Variants in ZC4H2 observed in about 807,000 individuals in gnomAD.
The protein encoded by ZC4H2 is zinc finger C4H2-type containing, also known as zinc finger C4H2 domain-containing protein.
For synonymous variants in ZC4H2, 84 were observed against 66.3 expected (o/e 1.27, Z -1.30); for missense variants, 137 against 173.9 (o/e 0.79, Z 1.19).
chrX:65,026,174 A>G (rs1340416939), intron 1 of ZC4H2, among the ~76,000 whole-genome samples: 1 of 111,978 alleles, frequency 8.9e-6, no homozygotes, highest in African/African-American at 3.3e-5. Context: ...TCTGACCTAT[A>G]ATAGAAATAT....
intron 1 of ZC4H2, among the ~76,000 whole-genome samples, chrX:64,993,901 A>G (rs188871173): frequency 6.2e-4 from 70 of 112,270 alleles, no homozygotes; most frequent in African/African-American, 2.0e-3. Flanking sequence ...CGTTTTACAG[A>G]TGAGGAAACT....
chrX:64,941,005 C>T (rs1422012544), intron 1 of ZC4H2, among the ~76,000 whole-genome samples: 2 of 111,892 alleles, frequency 1.8e-5, no homozygotes, highest in African/African-American at 6.5e-5. Flanking sequence ...GTCATTTTCA[C>T]GATATTGATT....
intron 1 of ZC4H2, among the ~76,000 whole-genome samples, chrX:64,954,440 T>C (rs1484636682): frequency 1.1e-5 from 1 of 92,305 alleles, no homozygotes; most frequent in Admixed American, 1.2e-4. Flanking sequence ...ATTTCTAATA[T>C]GTTTGAGTGC....
intron 1 of ZC4H2, among the ~76,000 whole-genome samples, chrX:64,964,046 G>A (rs988675504): frequency 9.0e-6 from 1 of 110,534 alleles, no homozygotes; most frequent in Non-Finnish European, 1.9e-5. Flanking sequence ...AGGGGGAAAC[G>A]TAGAGCTGCT....
At chrX:65,026,696 G>C (rs1391665013) in intron 1 of ZC4H2, among the ~76,000 whole-genome samples, 1 of 105,978 alleles carries the variant, frequency 9.4e-6, no homozygotes, top group African/African-American at 3.4e-5. Context: ...GCAACAGAGC[G>C]AGACTCCGTC....
At chrX:64,953,878 T>C (rs1293447693) in intron 1 of ZC4H2, among the ~76,000 whole-genome samples, 3 of 111,416 alleles carry the variant, frequency 2.7e-5, no homozygotes, top group African/African-American at 6.5e-5. Flanking sequence ...CGTATGTTTA[T>C]TGTGGCACTG....
At chrX:64,941,121 G>A (rs1014247239) in intron 1 of ZC4H2, among the ~76,000 whole-genome samples, 1 of 111,624 alleles carries the variant, frequency 9.0e-6, no homozygotes, top group Non-Finnish European at 1.9e-5. Context: ...TCCTTTGTAA[G>A]TTGTATTCCT....
At chrX:64,939,521 G>A (rs780674330) in intron 1 of ZC4H2, among the ~76,000 whole-genome samples, 35 of 111,923 alleles carry the variant, frequency 3.1e-4, no homozygotes, top group Non-Finnish European at 6.0e-4. Flanking sequence ...GAGGTGTTAC[G>A]ATACCTGACT....
intron 1 of ZC4H2, among the ~76,000 whole-genome samples, chrX:64,952,232 T>C (rs924895171): frequency 7.3e-5 from 8 of 110,110 alleles, no homozygotes; most frequent in Non-Finnish European, 1.1e-4. Flanking sequence ...AGTCAGGTAG[T>C]GTGATGCCTC....
intron 1 of ZC4H2, among the ~76,000 whole-genome samples, chrX:64,954,474 T>G (rs1318821015): frequency 1.0e-5 from 1 of 98,456 alleles, no homozygotes; most frequent in Non-Finnish European, 2.0e-5. Flanking sequence ...TTATTATGGT[T>G]ATTATGTTAT....
At chrX:64,972,002 TG>T (rs1490279975) in intron 1 of ZC4H2, among the ~76,000 whole-genome samples, 2 of 110,774 alleles carry the variant, frequency 1.8e-5, no homozygotes, top group African/African-American at 6.6e-5. Context: ...GTCCATTTAA[TG>T]GTGCCTGTAC....
At chrX:64,966,389 T>G (rs986976881) in intron 1 of ZC4H2, among the ~76,000 whole-genome samples, 4 of 112,518 alleles carry the variant, frequency 3.6e-5, no homozygotes, top group African/African-American at 1.3e-4. Context: ...TCAAAAACAC[T>G]TGTATCTTAA....
chrX:64,997,470 G>T (rs1932439284), intron 1 of ZC4H2, among the ~76,000 whole-genome samples: 1 of 112,303 alleles, frequency 8.9e-6, no homozygotes, highest in African/African-American at 3.2e-5. Flanking sequence ...TCATATTTTT[G>T]GTTTCTAACA....
chrX:64,938,582 C>A (rs1444179629), intron 1 of ZC4H2, among the ~76,000 whole-genome samples: 1 of 111,805 alleles, frequency 8.9e-6, no homozygotes, highest in Non-Finnish European at 1.9e-5. Context: ...AAAAGCTTAT[C>A]CACTACGATC....
chrX:64,927,056 G>A (rs1223566043), intron 1 of ZC4H2, among the ~76,000 whole-genome samples: 5 of 111,661 alleles, frequency 4.5e-5, no homozygotes, highest in Non-Finnish European at 9.4e-5. Flanking sequence ...GCAGTAGCTT[G>A]CCTTTTTGTC....
intron 1 of ZC4H2, among the ~76,000 whole-genome samples, chrX:65,010,885 C>G (rs999806307): frequency 8.9e-6 from 1 of 111,785 alleles, no homozygotes; most frequent in South Asian, 3.7e-4. Flanking sequence ...TTCATAGTTA[C>G]TATTTTCAAA....
chrX:65,028,815 C>A (rs1467776249), intron 1 of ZC4H2, among the ~76,000 whole-genome samples: 2 of 111,646 alleles, frequency 1.8e-5, no homozygotes, highest in East Asian at 2.8e-4. Context: ...AGCCACTGTG[C>A]CGGGCCTCTC....
At chrX:64,943,446 T>A (rs1023937105) in intron 1 of ZC4H2, among the ~76,000 whole-genome samples, 1 of 111,669 alleles carries the variant, frequency 9.0e-6, no homozygotes, top group African/African-American at 3.3e-5. Flanking sequence ...AAATTTCCCA[T>A]GATTATTGTG....
rs1167392535 is a variant in ZC4H2 at position 65,002,480 on chromosome X, TG to T, written c.-272+32148del. ...CCCAGCTGCCGCCCCATCCGGGAGG[TG>T]GGGGGCACCTCTGCCCGGCCGCCCC... On this transcript the variant is annotated intron_variant, in intron 1 of 4. Transcript: ENST00000337990. Among the ~76,000 whole-genome samples the T allele has an allele frequency of 1.6e-4, 17 of 108,294 alleles. No individual in the cohort carries two copies. The East Asian group carries it at 4.8e-3, about 31-fold the overall frequency. The allele number at this position is 108,294 out of a possible 115,157, so 94.0% of individuals were successfully genotyped here. A position where few individuals can be genotyped will look rare whatever the true frequency, so the allele number is the denominator to read the frequency against.
Sources: gnomAD v4.1 joint callset for allele counts (sites outside exome capture counted in the v4.1 genomes callset) on GRCh38, gnomAD v4.1.1 for gene constraint, MANE v1.5 for transcripts, NCBI Gene and HGNC (gene_info 2026-07-23, HGNC 2026-07-21) for gene names.